Variants in ZNF823 observed in about 807,000 individuals in gnomAD.
ZNF823 encodes the protein ZFP 36 for a zinc finger protein.
A neutral mutation model predicts 11.4 loss-of-function variants in ZNF823; 5 were observed. The observed-to-expected ratio is 0.44, with a 90% confidence interval of 0.23 to 0.92. The LOEUF is 0.92. Ranked by LOEUF, ZNF823 falls within the 40% of genes least tolerant of loss-of-function variation. The probability of loss-of-function intolerance (pLI) is 0.24; values close to 1 mark genes in which losing one functional copy is unlikely to be tolerated. For synonymous variants in ZNF823, 234 were observed against 250.5 expected, an observed-to-expected ratio of 0.93 and a Z score of 0.62; for missense variants, 582 against 738.5, an observed-to-expected ratio of 0.79 and a Z score of 2.46.
intron 1 of ZNF823, among the ~76,000 whole-genome samples, chr19:11,738,459 A>G (rs1309360726): frequency 1.3e-5 from 2 of 151,528 alleles, no homozygotes; most frequent in Non-Finnish European, 2.9e-5. Context: ...CCCCCATTAA[A>G]CTGTTTCTGC....
rs1217012901 is a variant in ZNF823, at chr19:11,725,202, T to C, written c.129A>G (p.Ile43Met). The change falls in exon 2 of 4, where the codon ATA becomes ATG. Residue 43 changes from isoleucine (I) to methionine (M), a missense_variant and splice_region_variant. Physicochemically the swap from Ile to Met is conservative, Grantham distance 10. Coordinates refer to ENST00000341191, the MANE Select transcript of ZNF823 (RefSeq NM_001080493.4). ...GTGAAGAGATGATGTCATCCTTACCTATACAGTCCAGGTTCCTAATGGTTT... is the reference window on the plus strand; with the variant it reads ...GTGAAGAGATGATGTCATCCTTACCCATACAGTCCAGGTTCCTAATGGTTT... ...MQETIRNLDC[I>M]EMKWEDQNIG... The C allele has an allele frequency of 6.2e-7, 1 of 1,613,076 alleles. No homozygotes were observed. Among genetic ancestry groups the C allele is most frequent in the Non-Finnish European group, 8.5e-7 (1 of 1,179,580 alleles).
rs139821234 is a variant in ZNF823, at chr19:11,724,146, C to G, written c.191+48G>C. 2.6e-3 allele frequency: 3,801 copies of G among 1,472,994 alleles called. 12 individuals are homozygous for G. The highest frequency in any genetic ancestry group is 6.8e-3 in the Middle Eastern group (38 of 5,612). 91.2% of individuals were successfully genotyped at this position (1,472,994 alleles called of 1,614,324 possible). ...TCGTTTTTAAAATTTTCTTATCATTCTATGAACCACTGCAGGGACATAGCT... is the reference window on the plus strand; with the variant it reads ...TCGTTTTTAAAATTTTCTTATCATTGTATGAACCACTGCAGGGACATAGCT... On this transcript the variant is annotated intron_variant, in intron 3 of 3. Coordinates refer to ENST00000341191, the MANE Select transcript of ZNF823 (RefSeq NM_001080493.4).
chr19:11,725,790 A>G (rs1276589184), intron 1 of ZNF823, among the ~76,000 whole-genome samples: 2 of 152,130 alleles, frequency 1.3e-5, no homozygotes, highest in African/African-American at 2.4e-5. Context: ...GAGTGTGCCT[A>G]AACTGTTTAT....
chr19:11,726,500 G>GGGTTTGGACCTCAGGAAT (rs147613481), intron 1 of ZNF823, among the ~76,000 whole-genome samples: 12,797 of 151,656 alleles, frequency 0.084, 1,173 homozygotes, highest in African/African-American at 0.23. Flanking sequence ...TGGATCTTGA[G>GGGTTTGGACCTCAGGAAT]GTACTAATCC....
chr19:11,735,278 AAAC>A (rs1403237112), intron 1 of ZNF823, among the ~76,000 whole-genome samples: 2 of 119,104 alleles, frequency 1.7e-5, no homozygotes, highest in African/African-American at 3.0e-5. Context: ...CCATTTCAAA[AAAC>A]AAAAAAAAAA....
At chr19:11,726,287 C>CATATATATATATAT (rs139368397) in intron 1 of ZNF823, among the ~76,000 whole-genome samples, 1 of 112,250 alleles carries the variant, frequency 8.9e-6, no homozygotes, top group African/African-American at 2.8e-5. Context: ...ATAAAAAATA[C>CATATATATATATAT]ATATATATAT....
At chr19:11,725,396 A>G (rs1001529505) in intron 1 of ZNF823, 69 bp from the exon 2 acceptor site, 5 of 1,590,806 alleles carry the variant, frequency 3.1e-6, no homozygotes, top group Admixed American at 1.7e-5. Flanking sequence ...TACTCACTGC[A>G]TAAACTTTGC....
intron 1 of ZNF823, among the ~76,000 whole-genome samples, chr19:11,728,876 T>TA (rs1314770608): frequency 6.6e-6 from 1 of 151,820 alleles, no homozygotes; most frequent in Non-Finnish European, 1.5e-5. Context: ...TGAATAGAAT[T>TA]AAAAAAACAA....
rs1974694337 is a variant in ZNF823 at position 11,722,131 on chromosome 19, T to A, written c.1403A>T (p.Glu468Val). The change falls in exon 4 of 4, where the codon GAG becomes GTG. Residue 468 changes from glutamate to valine, a missense_variant. Coordinates refer to ENST00000341191, the MANE Select transcript of ZNF823 (RefSeq NM_001080493.4). This position sits in a 1 kb window ranked among gnomAD's most constrained non-coding sequence, Gnocchi z 5.2. ...FQNHETTHTG[E>V]KPYECKECGK... ...ACATTCCTTACACTCATATGGCTTC[T>A]CTCCAGTGTGAGTTGTCTCATGATT... is the stretch of plus-strand genomic sequence containing the variant. 1 of 1,613,946 alleles carries A rather than the reference T, an allele frequency of 6.2e-7. No individual in the cohort carries two copies. Among genetic ancestry groups the A allele is most frequent in the Admixed American group, 1.7e-5 (1 of 59,970 alleles).
rs1479555037 is a variant in ZNF823, at chr19:11,721,686, C to T, written c.*15G>A. On this transcript the variant is annotated 3_prime_UTR_variant, in exon 4 of 4. Coordinates refer to ENST00000341191, the MANE Select transcript of ZNF823 (RefSeq NM_001080493.4). ...TGAAATTAAAGTACTGAATGTTTTC[C>T]CACATTCCATACATTTAGAGAGTAT... is the stretch of plus-strand genomic sequence containing the variant. 1.9e-6 allele frequency: 3 copies of T among 1,577,384 alleles called. No individual in the cohort carries two copies. The highest frequency in any genetic ancestry group is 2.6e-6 in the Non-Finnish European group (3 of 1,162,388).
chr19:11,722,296 T>C lies in ZNF823; in HGVS notation c.1238A>G (p.Glu413Gly). Reference sequence around the variant, plus strand: ...ACATTGTTTACATTGATAGGGTTTCTCTCCAGTGTGAGTCCTTTCATGTCT... The same window carrying C: ...ACATTGTTTACATTGATAGGGTTTCCCTCCAGTGTGAGTCCTTTCATGTCT... ...FQRHERTHTGEKPYQCKQCGK... is the reference protein window; with the variant it reads ...FQRHERTHTGGKPYQCKQCGK... Residue 413 changes from glutamate to glycine, a missense_variant, in exon 4 of 4, where the codon GAG becomes GGG. Coordinates refer to ENST00000341191, the MANE Select transcript of ZNF823 (RefSeq NM_001080493.4). This position sits in a 1 kb window ranked among gnomAD's most constrained non-coding sequence, Gnocchi z 5.2. 6.2e-7 allele frequency: 1 copy of C among 1,614,186 alleles called. No homozygotes were observed. Among genetic ancestry groups the C allele is most frequent in the South Asian group, 1.1e-5 (1 of 91,092 alleles).
intron 1 of ZNF823, chr19:11,730,905 A>G (rs1974880806): frequency 6.6e-6 from 1 of 152,048 alleles, no homozygotes; most frequent in African/African-American, 2.4e-5. Flanking sequence ...CAAAAATGAA[A>G]CAATTCAAGT....
At position 11,738,797 on chromosome 19, in the gene ZNF823, G is replaced by A; in HGVS notation, c.3+20C>T. 1 of 1,608,806 alleles carries A rather than the reference G, an allele frequency of 6.2e-7. No individual in the cohort carries two copies. Among genetic ancestry groups the A allele is most frequent in the Non-Finnish European group, 8.5e-7 (1 of 1,177,678 alleles). ...ACCTGCCCCTTCTTTGCCTCGGGAC[G>A]CCGGGCCCCGCACACTCACCATTTC... On this transcript the variant is annotated intron_variant, in intron 1 of 3. Coordinates refer to ENST00000341191, the MANE Select transcript of ZNF823 (RefSeq NM_001080493.4).
At chr19:11,738,258 C>T (rs962224668) in intron 1 of ZNF823, among the ~76,000 whole-genome samples, 1 of 152,190 alleles carries the variant, frequency 6.6e-6, no homozygotes, top group African/African-American at 2.4e-5. Flanking sequence ...GAAAGGCTGG[C>T]GCCAACCAGG....
At chr19:11,724,338 G>A (rs968302841) in intron 2 of ZNF823, 84 bp from the exon 3 acceptor site, 2 of 1,236,522 alleles carry the variant, frequency 1.6e-6, no homozygotes, top group African/African-American at 1.5e-5. Context: ...CTGCAATCAT[G>A]CATGATTCAT....
Position 11,722,911 on chromosome 19 carries a change from T to G in ZNF823, c.623A>C (p.His208Pro). Reference sequence around the variant, plus strand: ...TCCAGTGTGTGTTCTTTCGTGCAAATGAAATAAACTGGGCCAAACAAAGGC... The same window carrying G: ...TCCAGTGTGTGTTCTTTCGTGCAAAGGAAATAAACTGGGCCAAACAAAGGC... ...GKAFVWPSLF[H>P]LHERTHTGEK... is the part of the protein sequence containing the mutation. The change falls in exon 4 of 4, where the codon CAT becomes CCT. Residue 208 changes from histidine (H) to proline (P), a missense_variant. Transcript: ENST00000341191. This position sits in a 1 kb window ranked among gnomAD's most constrained non-coding sequence, Gnocchi z 5.2. 6.2e-7 allele frequency: 1 copy of G among 1,614,158 alleles called. No individual in the cohort carries two copies. Among genetic ancestry groups the G allele is most frequent in the South Asian group, 1.1e-5 (1 of 91,084 alleles).
intron 1 of ZNF823, among the ~76,000 whole-genome samples, chr19:11,728,791 A>C (rs1395126405): frequency 1.3e-5 from 2 of 152,184 alleles, no homozygotes; most frequent in Non-Finnish European, 2.9e-5. Context: ...ACATATGTAC[A>C]TATTAATCCA....
Position 11,738,908 on chromosome 19 carries a change from C to G in ZNF823, c.-89G>C, listed in dbSNP as rs772666541. On this transcript the variant is annotated 5_prime_UTR_variant, in exon 1 of 4. Coordinates refer to ENST00000341191, the MANE Select transcript of ZNF823 (RefSeq NM_001080493.4). ...CGCTGATACAGACCTTCCAGGGCGT[C>G]TCTCTCTCAGCGCCAGAGCCAGGAC... The G allele has an allele frequency of 5.9e-5, 89 of 1,496,640 alleles. No individual in the cohort carries two copies. The highest frequency in any genetic ancestry group is 8.0e-5 in the Non-Finnish European group (89 of 1,114,144). The allele number at this position is 1,496,640 out of a possible 1,614,324, so 92.7% of individuals were successfully genotyped here.
In ZNF823 at chr19:11,725,246, A is replaced by G; in HGVS notation, c.85T>C (p.Tyr29His). 6.2e-7 allele frequency: 1 copy of G among 1,614,088 alleles called. No individual in the cohort carries two copies. The highest frequency in any genetic ancestry group is 1.3e-5 in the African/African-American group (1 of 75,050). Residue 29 changes from tyrosine (Y) to histidine (H), a missense_variant, in exon 2 of 4, where the codon TAC becomes CAC. This residue lies in a region of ZNF823 where 429 missense variants were observed against 553.7 expected (regional missense o/e 0.77). Coordinates refer to ENST00000341191, the MANE Select transcript of ZNF823 (RefSeq NM_001080493.4). ...ATGGTTTCCTGCATGACATTTCTGT[A>G]GAGACTCTTCTGTGATGGACCCAGC... ...ALLGPSQKSL[Y>H]RNVMQETIRN...
Sources: allele counts gnomAD v4.1 joint callset (sites outside exome capture counted in the v4.1 genomes callset), GRCh38; gene constraint gnomAD v4.1.1; regional missense constraint gnomAD v4.1.1; non-coding constraint Gnocchi (gnomAD v3.1); transcripts MANE v1.5; gene names NCBI Gene and HGNC (gene_info 2026-07-23, HGNC 2026-07-21).